The following ZP3 variants were observed in gnomAD, a reference collection of about 807,000 sequenced individuals.
The protein encoded by ZP3 is zona pellucida glycoprotein 3.
ZP3 carries 21 observed loss-of-function variants against 35.6 expected under a neutral mutation model. The ratio of observed to expected loss-of-function variants is 0.59; its 90% CI spans 0.42 to 0.85. The LOEUF is 0.85. Ranked by LOEUF, ZP3 falls within the 40% of genes least tolerant of loss-of-function variation. The pLI is 0.00. For synonymous variants in ZP3, 207 were observed against 214.5 expected (o/e 0.96, Z 0.31); for missense variants, 437 against 536.5 (o/e 0.81, Z 1.83).
At chr7:76,406,849 G>C (rs6958115) in intron 1 of ZP3, among the ~76,000 whole-genome samples, 64,253 of 151,532 alleles carry the variant, frequency 0.42, 13,808 homozygotes, top group South Asian at 0.53. Context: ...GCAGCGTTTA[G>C]TCTCTCAGAC....
intron 1 of ZP3, among the ~76,000 whole-genome samples, chr7:76,425,844 G>A (rs1025744811): frequency 2.0e-5 from 3 of 151,956 alleles, no homozygotes; most frequent in East Asian, 1.9e-4. Flanking sequence ...GGTGGCTCAC[G>A]CCTGTAATTC....
chr7:76,408,085 G>A (rs1805098871), intron 1 of ZP3, among the ~76,000 whole-genome samples: 1 of 152,202 alleles, frequency 6.6e-6, no homozygotes, highest in Non-Finnish European at 1.5e-5. Context: ...GGACTTTGTA[G>A]GAGGCGGCGG....
intron 1 of ZP3, among the ~76,000 whole-genome samples, chr7:76,426,093 A>G (rs1485928122): frequency 6.6e-6 from 1 of 151,904 alleles, no homozygotes; most frequent in Non-Finnish European, 1.5e-5. Context: ...AAAAAAAAAA[A>G]AAAAATTCCA....
At chr7:76,428,016 G>A (rs902771831) in intron 1 of ZP3, among the ~76,000 whole-genome samples, 1 of 152,060 alleles carries the variant, frequency 6.6e-6, no homozygotes, top group African/African-American at 2.4e-5. Context: ...GAGAGGTGGG[G>A]ATAGTGAGCT....
intron 1 of ZP3, among the ~76,000 whole-genome samples, chr7:76,403,808 C>T (rs964377528): frequency 3.3e-5 from 5 of 151,854 alleles, no homozygotes; most frequent in Admixed American, 6.6e-5. Flanking sequence ...ATTACAGGTG[C>T]GTGCTGCCAA....
chr7:76,403,347 C>CTTTTTTTTTTTTTTT (rs766899317), intron 1 of ZP3, among the ~76,000 whole-genome samples: 23 of 149,596 alleles, frequency 1.5e-4, no homozygotes, highest in Non-Finnish European at 2.4e-4. Context: ...GACTCCACTT[C>CTTTTTTTTTTTTTTT]TTTTTTTTGA....
At chr7:76,413,169 G>A (rs1484434885) in intron 1 of ZP3, among the ~76,000 whole-genome samples, 1 of 151,336 alleles carries the variant, frequency 6.6e-6, no homozygotes, top group African/African-American at 2.4e-5. Flanking sequence ...CATCATGTTG[G>A]CCAGGCTGGT....
chr7:76,435,777 G>A (rs1805979680), intron 5 of ZP3, among the ~76,000 whole-genome samples: 1 of 150,012 alleles, frequency 6.7e-6, no homozygotes, highest in Non-Finnish European at 1.5e-5. Flanking sequence ...CACCCAAGCT[G>A]GAATGCAATG....
At chr7:76,398,858 T>C in intron 1 of ZP3, 2 of 1,568,132 alleles carry the variant, frequency 1.3e-6, no homozygotes, top group Non-Finnish European at 1.7e-6. Flanking sequence ...CACCACGGGG[T>C]GTTTAAGGGG....
Position 76,427,241 on chromosome 7 carries a change from G to A in ZP3, c.312+1965G>A, listed in dbSNP as rs933177098. On this transcript the variant is annotated intron_variant, in intron 1 of 7. Coordinates refer to ENST00000394857, the MANE Select transcript of ZP3 (RefSeq NM_001110354.2). ...GTGAGAATCACCTGCGGCTGGCCGT[G>A]CGCAGTGGCTCACGCCTGTAATCCC... 2.0e-5 allele frequency among the ~76,000 whole-genome samples: 3 copies of A among 152,082 alleles called. No homozygotes were observed. The East Asian group carries it at 5.9e-4, about 30-fold the overall frequency.
At chr7:76,420,019 C>T (rs1805469656), upstream of ZP3, among the ~76,000 whole-genome samples, 1 of 151,886 alleles carries the variant, frequency 6.6e-6, no homozygotes, top group Non-Finnish European at 1.5e-5. Context: ...CCAGGCTGGT[C>T]TCAAACTCCT....
chr7:76,439,145 A>AAAAC (rs1554626563), intron 5 of ZP3, among the ~76,000 whole-genome samples: 25 of 130,082 alleles, frequency 1.9e-4, no homozygotes, highest in African/African-American at 6.1e-4. Context: ...AAAAAAAAAA[A>AAAAC]AAAAAACCTC....
intron 4 of ZP3, 69 bp downstream of exon 4, chr7:76,433,716 T>G: frequency 4.1e-6 from 6 of 1,479,442 alleles, no homozygotes; most frequent in Non-Finnish European, 5.5e-6. Context: ...TGTTTGGCTT[T>G]TTGAGACAGT....
At position 76,424,950 on chromosome 7, in the gene ZP3, T is replaced by G; in HGVS notation, c.-15T>G. ...AAGATGGCCAGAGGCGGCTGCCTGC[T>G]GCTCTGCAGGTACCATGGAGCTGAG... On this transcript the variant is annotated 5_prime_UTR_variant, in exon 1 of 8. Transcript: ENST00000394857. The G allele has an allele frequency of 6.6e-7, 1 of 1,507,090 alleles. No individual in the cohort carries two copies. Among genetic ancestry groups the G allele is most frequent in the South Asian group, 1.2e-5 (1 of 81,702 alleles). 93.4% of individuals were successfully genotyped at this position (1,507,090 alleles called of 1,614,324 possible).
chr7:76,405,545 G>A lies in ZP3; in HGVS notation c.-67+7748G>A, dbSNP rs1804998743. Among the ~76,000 whole-genome samples the A allele has an allele frequency of 2.7e-5, 4 of 150,680 alleles. No homozygotes were observed. In the Admixed American group the frequency reaches 2.7e-4, roughly 10 times the overall value. ...TGTCTGTAGCTGCAGCTAATGGGGA[G>A]GCTGAGGTAGGAGGATCACTTGCAC... On this transcript the variant is annotated intron_variant, in intron 1 of 8. Transcript: ENST00000336517.
rs139729790 is a variant in ZP3 at position 76,433,596 on chromosome 7, C to T, written c.662C>T (p.Pro221Leu). ...TTTGTGGACCACTGCGTGGCCACAC[C>T]GACACCAGACCAGAATGCCTCCCCT... ...RLFVDHCVAT[P>L]TPDQNASPYH... The change falls in exon 4 of 8, where the codon CCG (proline) becomes CTG (leucine). Residue 221 changes from proline to leucine, a missense_variant. Coordinates refer to ENST00000394857, the MANE Select transcript of ZP3 (RefSeq NM_001110354.2). The T allele has an allele frequency of 2.3e-5, 37 of 1,614,030 alleles. No individual in the cohort carries two copies. Among genetic ancestry groups the T allele is most frequent in the African/African-American group, 9.3e-5 (7 of 75,058 alleles).
At chr7:76,421,979 C>A (rs1414311481), upstream of ZP3, among the ~76,000 whole-genome samples, 3 of 151,798 alleles carry the variant, frequency 2.0e-5, no homozygotes, top group African/African-American at 4.8e-5. Context: ...TCACTACAAC[C>A]TCCACCTCCT....
At chr7:76,422,414 C>T (rs922060517), upstream of ZP3, among the ~76,000 whole-genome samples, 2 of 152,064 alleles carry the variant, frequency 1.3e-5, no homozygotes, top group African/African-American at 4.8e-5. Flanking sequence ...CGCGGTGGCT[C>T]ACGCCTATAA....
At chr7:76,426,646 C>T (rs1805660631) in intron 1 of ZP3, among the ~76,000 whole-genome samples, 1 of 151,628 alleles carries the variant, frequency 6.6e-6, no homozygotes, top group African/African-American at 2.4e-5. Context: ...AGGTGCCTGG[C>T]TCCCCCCCCT....
Sources: allele counts gnomAD v4.1 joint callset (sites outside exome capture counted in the v4.1 genomes callset), GRCh38; gene constraint gnomAD v4.1.1; transcripts MANE v1.5; gene names NCBI Gene and HGNC (gene_info 2026-07-23, HGNC 2026-07-21).